Variants in NBR1 observed in about 807,000 individuals in gnomAD.
The protein encoded by NBR1 is next to BRCA1 gene 1 protein.
NBR1 carries 59 observed loss-of-function variants against 115.5 expected under a neutral mutation model. The ratio of observed to expected loss-of-function variants is 0.51; its 90% CI spans 0.41 to 0.63. The LOEUF (loss-of-function observed/expected upper bound fraction) is 0.63, where lower values mean the gene tolerates loss of function less well. Among genes scored for constraint, NBR1 ranks in the 30% least tolerant of loss-of-function variants. The probability of loss-of-function intolerance (pLI) is 0.00; values close to 1 mark genes in which losing one functional copy is unlikely to be tolerated. For synonymous variants in NBR1, 373 were observed against 414.7 expected, an observed-to-expected ratio of 0.90 and a Z score of 1.22; for missense variants, 1,043 against 1,150.5, an observed-to-expected ratio of 0.91 and a Z score of 1.35.
intron 4 of NBR1, 74 bp downstream of exon 4, chr17:43,179,486 C>A: frequency 7.3e-7 from 1 of 1,361,550 alleles, no homozygotes; most frequent in Non-Finnish European, 1.0e-6. Flanking sequence ...TCTATTTATA[C>A]TCAAACCTTA....
intron 5 of NBR1, among the ~76,000 whole-genome samples, chr17:43,184,231 T>C (rs1385822805): frequency 6.6e-6 from 1 of 151,346 alleles, no homozygotes; most frequent in Non-Finnish European, 1.5e-5. Context: ...TTTAAACTTT[T>C]TTTTTTTTTT....
intron 14 of NBR1, chr17:43,195,292 C>T (rs550221187): frequency 6.5e-6 from 3 of 460,428 alleles, no homozygotes; most frequent in Admixed American, 4.1e-5. Flanking sequence ...CACTTGAGGC[C>T]AGGGTTTGAG....
At chr17:43,190,276 G>T (rs2056912087) in intron 8 of NBR1, 3 of 360,282 alleles carry the variant, frequency 8.3e-6, no homozygotes, top group Admixed American at 4.1e-5. Context: ...TCCCTATATT[G>T]CCCAGGCTAG....
At chr17:43,200,133 T>C (rs1022246649) in intron 16 of NBR1, 34 bp from the exon 17 acceptor site, 1 of 1,504,510 alleles carries the variant, frequency 6.6e-7, no homozygotes. Context: ...TGCTTTTAGC[T>C]TCCACCTTAA....
intron 6 of NBR1, among the ~76,000 whole-genome samples, chr17:43,187,034 C>T (rs1366625514): frequency 3.3e-5 from 5 of 152,106 alleles, no homozygotes; most frequent in African/African-American, 2.4e-5. Context: ...GGTATATACC[C>T]GGTAATGGGA....
intron 20 of NBR1, among the ~76,000 whole-genome samples, chr17:43,207,530 T>TA (rs1336466269): frequency 6.6e-6 from 1 of 152,160 alleles, no homozygotes. Context: ...GCTAGTTTTT[T>TA]AAAAATCTTT....
rs2056646301 is a variant in NBR1 at position 43,180,872 on chromosome 17, G to T, written c.207+55G>T. The T allele has an allele frequency of 2.3e-6, 3 of 1,325,406 alleles. No individual in the cohort carries two copies. In the South Asian group the frequency reaches 5.0e-5, roughly 22 times the overall value. 82.1% of individuals were successfully genotyped at this position (1,325,406 alleles called of 1,614,324 possible). ...AATTTAAAAAATATTATTATGGGTT[G>T]GTTTTTTTTCTTTTTTTGAGATGAG... On this transcript the variant is annotated intron_variant, in intron 5 of 20. Transcript: ENST00000590996.
intron 16 of NBR1, among the ~76,000 whole-genome samples, chr17:43,198,642 A>G (rs966751459): frequency 6.8e-6 from 1 of 148,032 alleles, no homozygotes; most frequent in Non-Finnish European, 1.5e-5. Context: ...ACAGAGCGAG[A>G]CTCCGTCTAA....
At chr17:43,172,329 A>G (rs577560127) in intron 1 of NBR1, among the ~76,000 whole-genome samples, 1 of 152,290 alleles carries the variant, frequency 6.6e-6, no homozygotes, top group African/African-American at 2.4e-5. Context: ...CCAAGCTAGA[A>G]TCTCCCACTT....
At chr17:43,184,382 T>TTTTTTTTTTTTTTTTTTTTTA (rs2056751051) in intron 5 of NBR1, among the ~76,000 whole-genome samples, 1 of 145,128 alleles carries the variant, frequency 6.9e-6, no homozygotes, top group African/African-American at 2.5e-5. Flanking sequence ...CTTTTTTTTT[T>TTTTTTTTTTTTTTTTTTTTTA]TGAGACAGAG....
At chr17:43,179,982 G>T (rs1362650261) in intron 4 of NBR1, among the ~76,000 whole-genome samples, 4 of 152,082 alleles carry the variant, frequency 2.6e-5, no homozygotes, top group South Asian at 2.1e-4. Context: ...GGATTTAAGG[G>T]GAAGAACTGA....
intron 16 of NBR1, among the ~76,000 whole-genome samples, chr17:43,197,477 C>T (rs2057095665): frequency 6.6e-6 from 1 of 151,704 alleles, no homozygotes; most frequent in Non-Finnish European, 1.5e-5. Context: ...CAAGATTGCG[C>T]CACTGCACTC....
rs999691184 is a variant in NBR1, at chr17:43,187,203, G to A, written c.402+759G>A. On this transcript the variant is annotated intron_variant, in intron 6 of 20. Coordinates refer to ENST00000590996, the MANE Select transcript of NBR1 (RefSeq NM_005899.5). The stretch of plus-strand genomic sequence containing the variant: ...CTATTATTTCTTTTTTTTTGAAACG[G>A]AGTCTCACTCTGTTGCCCAGGCTGT... Among the ~76,000 whole-genome samples, 10 of 151,654 alleles carry A rather than the reference G, an allele frequency of 6.6e-5. 1 individual carries two copies. Among genetic ancestry groups the A allele is most frequent in the African/African-American group, 2.4e-4 (10 of 41,278 alleles).
intron 14 of NBR1, chr17:43,195,819 T>G (rs2057054090): frequency 6.7e-6 from 1 of 149,818 alleles, no homozygotes; most frequent in African/African-American, 2.5e-5. Flanking sequence ...AAACCCAATC[T>G]CAAAAAACAA....
chr17:43,201,905 C>T lies in NBR1; in HGVS notation c.2563+125C>T, dbSNP rs535090375. 2.0e-4 allele frequency: 123 copies of T among 628,996 alleles called. No individual in the cohort carries two copies. The East Asian group carries it at 2.9e-3, about 15-fold the overall frequency. 39.0% of individuals were successfully genotyped at this position (628,996 alleles called of 1,614,324 possible). A position where few individuals can be genotyped will look rare whatever the true frequency, so the allele number is the denominator to read the frequency against. On this transcript the variant is annotated intron_variant, in intron 18 of 20. Coordinates refer to ENST00000590996, the MANE Select transcript of NBR1 (RefSeq NM_005899.5). ...TGAAACTTGCCCTTCACAGGCCAGG[C>T]GTGGTGGCTCACACCTGTAATCCCA...
chr17:43,206,213 A>C (rs2057314717), intron 20 of NBR1, among the ~76,000 whole-genome samples: 1 of 151,470 alleles, frequency 6.6e-6, no homozygotes, highest in Non-Finnish European at 1.5e-5. Flanking sequence ...CAGACCAAAT[A>C]TGTAGGCAGG....
At chr17:43,174,588 A>G (rs192487734) in intron 1 of NBR1, among the ~76,000 whole-genome samples, 185 of 151,966 alleles carry the variant, frequency 1.2e-3, no homozygotes, top group African/African-American at 4.4e-3. Context: ...ACAGAACAAG[A>G]CTCTATCTCA....
At chr17:43,179,740 A>G (rs2056616453) in intron 4 of NBR1, among the ~76,000 whole-genome samples, 1 of 152,240 alleles carries the variant, frequency 6.6e-6, no homozygotes, top group Non-Finnish European at 1.5e-5. Flanking sequence ...GTTAATATCA[A>G]CTTATAAAAC....
At chr17:43,179,599 G>T (rs1452383410) in intron 4 of NBR1, among the ~76,000 whole-genome samples, 187 bp downstream of exon 4, 2 of 152,138 alleles carry the variant, frequency 1.3e-5, no homozygotes, top group African/African-American at 2.4e-5. Context: ...GCCTTTGAAT[G>T]GACCCTAAGG....
Sources: allele counts gnomAD v4.1 joint callset (sites outside exome capture counted in the v4.1 genomes callset), GRCh38; gene constraint gnomAD v4.1.1; transcripts MANE v1.5; gene names NCBI Gene and HGNC (gene_info 2026-07-23, HGNC 2026-07-21).